The following EFCAB9 variants were observed in gnomAD, a reference collection of about 807,000 sequenced individuals.
EFCAB9 encodes EF-hand calcium-binding domain-containing protein 9.
A neutral mutation model predicts 15.6 loss-of-function variants in EFCAB9; 16 were observed. The observed-to-expected ratio is 1.03, with a 90% CI of 0.69 to 1.56. The LOEUF (loss-of-function observed/expected upper bound fraction) is 1.56. Ranked by LOEUF, EFCAB9 falls within the 40% of genes most tolerant of loss-of-function variation. The pLI is 0.00. For synonymous variants in EFCAB9, 76 were observed against 85.4 expected (o/e 0.89, Z 0.61); for missense variants, 208 against 235.4 (o/e 0.88, Z 0.76).
chr5:172,202,474 G>C (rs1435963669), intron 3 of EFCAB9, among the ~76,000 whole-genome samples: 1 of 152,100 alleles, frequency 6.6e-6, no homozygotes, highest in Non-Finnish European at 1.5e-5. Context: ...TTGGGAGGCT[G>C]GGGTGGGTGG....
intron 1 of EFCAB9, among the ~76,000 whole-genome samples, chr5:172,197,696 G>A (rs931332227): frequency 3.3e-5 from 5 of 152,148 alleles, no homozygotes; most frequent in Admixed American, 6.6e-5. Flanking sequence ...AGACCCTCGC[G>A]GTGAGTGTTA....
chr5:172,197,890 A>T (rs780566865), intron 1 of EFCAB9, among the ~76,000 whole-genome samples: 1 of 152,022 alleles, frequency 6.6e-6, no homozygotes, highest in Non-Finnish European at 1.5e-5. Context: ...TCCATTTAAC[A>T]GAGTGCTGAT....
At chr5:172,199,015 A>G (rs956898525) in intron 1 of EFCAB9, among the ~76,000 whole-genome samples, 1 of 152,238 alleles carries the variant, frequency 6.6e-6, no homozygotes, top group Non-Finnish European at 1.5e-5. Context: ...CCCAGTGAGA[A>G]TTAAGCTCTC....
intron 1 of EFCAB9, among the ~76,000 whole-genome samples, chr5:172,194,697 C>A (rs568293517): frequency 6.6e-6 from 1 of 152,264 alleles, no homozygotes; most frequent in Admixed American, 6.5e-5. Context: ...CCACACCCGG[C>A]CTGTTAGTAA....
chr5:172,200,611 T>TTTGACCTGC lies in EFCAB9; in HGVS notation c.340_348dup (p.Leu114_Leu116dup). On this transcript the variant is annotated inframe_insertion, in exon 3 of 4. Transcript: ENST00000398186. ...TATGTATCGTCATTCCCGGCCTGTC[T>TTTGACCTGC]TTGACCTGCTTGACCTGAAAGGGGA... The TTTGACCTGC allele has an allele frequency of 6.5e-7, 1 of 1,537,280 alleles. No homozygotes were observed. Among genetic ancestry groups the TTTGACCTGC allele is most frequent in the South Asian group, 1.2e-5 (1 of 84,058 alleles).
In EFCAB9 at chr5:172,203,199, CCACCCTAA is replaced by C; in HGVS notation, c.463-13_463-6del. ...TCCTGAAATAATTTTTCTTTCCCCC[CCACCCTAA>C]CCAAAGCGTCTTAATTATCAGGAAT... On this transcript the variant is annotated splice_polypyrimidine_tract_variant and splice_region_variant and intron_variant, in intron 3 of 3. Transcript: ENST00000398186. 2 of 884,766 alleles carry C rather than the reference CCACCCTAA, an allele frequency of 2.3e-6. No homozygotes were observed. Among genetic ancestry groups the C allele is most frequent in the Non-Finnish European group, 3.0e-6 (2 of 675,408 alleles). 54.8% of individuals were successfully genotyped at this position (884,766 alleles called of 1,614,324 possible).
At chr5:172,200,493 G>C in intron 2 of EFCAB9, 73 bp from the exon 3 acceptor site, 7 of 1,429,524 alleles carry the variant, frequency 4.9e-6, no homozygotes, top group Non-Finnish European at 6.5e-6. Context: ...GTGAAGATAT[G>C]TCTTGAGGAA....
intron 1 of EFCAB9, among the ~76,000 whole-genome samples, chr5:172,195,799 T>TTTTATTTA (rs143327587): frequency 7.2e-5 from 11 of 151,750 alleles, no homozygotes; most frequent in Non-Finnish European, 8.8e-5. Flanking sequence ...CAAAACAGTC[T>TTTTATTTA]TTTATTTATT....
intron 1 of EFCAB9, among the ~76,000 whole-genome samples, chr5:172,197,002 C>A (rs1771175291): frequency 6.6e-6 from 1 of 152,014 alleles, no homozygotes. Flanking sequence ...ATTAAATATG[C>A]ATTAACTAAT....
At chr5:172,200,991 G>A (rs932053874) in intron 3 of EFCAB9, among the ~76,000 whole-genome samples, 2 of 152,222 alleles carry the variant, frequency 1.3e-5, no homozygotes, top group African/African-American at 4.8e-5. Context: ...CCAGGACTTT[G>A]GGAGGCTGAG....
rs1771284949 is a variant in EFCAB9, at chr5:172,203,183, A to C, written c.463-31A>C. On this transcript the variant is annotated intron_variant, in intron 3 of 3. Coordinates refer to ENST00000398186, the MANE Select transcript of EFCAB9 (RefSeq NM_001171183.2). Reference sequence around the variant, plus strand: ...CAAAGTATGAAGTTTTTCCTGAAATAATTTTTCTTTCCCCCCCACCCTAAC... The same window carrying C: ...CAAAGTATGAAGTTTTTCCTGAAATCATTTTTCTTTCCCCCCCACCCTAAC... 8 of 1,429,184 alleles carry C rather than the reference A, an allele frequency of 5.6e-6. No individual in the cohort carries two copies. The South Asian group carries it at 9.3e-5, about 17-fold the overall frequency. 88.5% of individuals were successfully genotyped at this position (1,429,184 alleles called of 1,614,324 possible).
intron 3 of EFCAB9, among the ~76,000 whole-genome samples, chr5:172,202,640 G>A (rs187614242): frequency 1.3e-5 from 2 of 152,040 alleles, no homozygotes; most frequent in Non-Finnish European, 2.9e-5. Flanking sequence ...CCCGGGAGGC[G>A]GAGGTTGCAG....
At position 172,199,500 on chromosome 5, in the gene EFCAB9, A is replaced by G; in HGVS notation, c.254A>G (p.Tyr85Cys). 2 of 1,537,324 alleles carry G rather than the reference A, an allele frequency of 1.3e-6. No homozygotes were observed. Among genetic ancestry groups the G allele is most frequent in the Non-Finnish European group, 1.7e-6 (2 of 1,146,924 alleles). ...AVGEIDFEKF[Y>C]MLVCMLLAHQ... ...GGCGAGATCGACTTTGAGAAGTTCT[A>G]CATGCTGGTGTGCATGCTGCTGGCC... Residue 85 changes from tyrosine to cysteine, a missense_variant, in exon 2 of 4, where the codon TAC becomes TGC. Transcript: ENST00000398186.
intron 3 of EFCAB9, among the ~76,000 whole-genome samples, chr5:172,201,961 A>G (rs1334544466): frequency 1.3e-5 from 2 of 152,236 alleles, no homozygotes; most frequent in African/African-American, 4.8e-5. Flanking sequence ...CACACTGTGA[A>G]CAACCTTAGA....
chr5:172,194,893 G>A (rs1288204066), intron 1 of EFCAB9, among the ~76,000 whole-genome samples: 1 of 151,714 alleles, frequency 6.6e-6, no homozygotes, highest in African/African-American at 2.4e-5. Flanking sequence ...ATCTAGAGGT[G>A]AGGCTTCTCA....
At chr5:172,200,871 T>C (rs970497453) in intron 3 of EFCAB9, 129 bp downstream of exon 3, 15 of 895,458 alleles carry the variant, frequency 1.7e-5, no homozygotes, top group Non-Finnish European at 2.3e-5. Flanking sequence ...ATAAGCACAT[T>C]GCATGGCACA....
At chr5:172,202,663 A>T (rs1771275625) in intron 3 of EFCAB9, among the ~76,000 whole-genome samples, 1 of 151,678 alleles carries the variant, frequency 6.6e-6, no homozygotes, top group Admixed American at 6.6e-5. Flanking sequence ...AGCTGAGATC[A>T]CGCCACTGCC....
chr5:172,198,861 G>A (rs543553475), intron 1 of EFCAB9, among the ~76,000 whole-genome samples: 20 of 152,270 alleles, frequency 1.3e-4, no homozygotes, highest in South Asian at 4.1e-4. Flanking sequence ...TGATTTGCCC[G>A]CCTTGGCCTC....
intron 1 of EFCAB9, among the ~76,000 whole-genome samples, chr5:172,198,849 C>T (rs910743072): frequency 1.3e-5 from 2 of 152,152 alleles, no homozygotes; most frequent in African/African-American, 4.8e-5. Context: ...CTCCTGACCT[C>T]GTGATTTGCC....
Sources: gnomAD v4.1 joint callset for allele counts (sites outside exome capture counted in the v4.1 genomes callset) on GRCh38, gnomAD v4.1.1 for gene constraint, MANE v1.5 for transcripts, NCBI Gene and HGNC (gene_info 2026-07-23, HGNC 2026-07-21) for gene names.